EPB41L4A: variants seen among roughly 807,000 people sequenced by gnomAD.
The protein encoded by EPB41L4A is band 4.1-like protein 4A.
EPB41L4A carries 100 observed loss-of-function variants against 108.6 expected under a neutral mutation model. That is an observed-to-expected ratio of 0.92 (90% confidence interval 0.78 to 1.09). The LOEUF (loss-of-function observed/expected upper bound fraction) is 1.09. EPB41L4A is among the 50% of genes least tolerant of loss of function. EPB41L4A has a pLI of 0.00. For missense variants in EPB41L4A, 1,030 were observed against 842.7 expected (o/e 1.22, Z -2.75); for synonymous variants, 319 against 289.0 (o/e 1.10, Z -1.05).
At chr5:112,308,807 T>C (rs1441927355) in intron 1 of EPB41L4A, among the ~76,000 whole-genome samples, 2 of 152,012 alleles carry the variant, frequency 1.3e-5, no homozygotes, top group African/African-American at 4.8e-5. Context: ...AAAAGACCAT[T>C]ACAATTCATT....
chr5:112,381,197 C>T (rs1760156696), intron 1 of EPB41L4A, among the ~76,000 whole-genome samples: 1 of 152,180 alleles, frequency 6.6e-6, no homozygotes, highest in Non-Finnish European at 1.5e-5. Context: ...CAAGTCTGGT[C>T]AGGTTTTTAA....
rs139188632 is a variant in EPB41L4A at position 112,232,165 on chromosome 5, G to C, written c.1087+2469C>G. Among the ~76,000 whole-genome samples the C allele has an allele frequency of 2.9e-3, 436 of 151,650 alleles. 4 individuals carry two copies. Among genetic ancestry groups the C allele is most frequent in the African/African-American group, 9.9e-3 (410 of 41,356 alleles). On this transcript the variant is annotated intron_variant, in intron 12 of 22. Transcript: ENST00000261486. Reference sequence around the variant, plus strand: ...GAGAGAGAGAGATCCACCTGATGCTGGGAGGCTGTCCTCCAAAAAGGCTGG... The same window carrying C: ...GAGAGAGAGAGATCCACCTGATGCTCGGAGGCTGTCCTCCAAAAAGGCTGG...
At chr5:112,315,271 T>C (rs997160303) in intron 1 of EPB41L4A, among the ~76,000 whole-genome samples, 12 of 152,342 alleles carry the variant, frequency 7.9e-5, no homozygotes, top group Admixed American at 3.3e-4. Context: ...ACTTACACTC[T>C]TGCACTCTTA....
intron 2 of EPB41L4A, among the ~76,000 whole-genome samples, chr5:112,302,973 G>A (rs535456680): frequency 2.2e-4 from 34 of 152,220 alleles, no homozygotes; most frequent in Non-Finnish European, 4.7e-4. Context: ...TGCTTCTCAT[G>A]ATGCTCTTCA....
intron 17 of EPB41L4A, among the ~76,000 whole-genome samples, chr5:112,187,356 C>T (rs1359713252): frequency 6.6e-6 from 1 of 152,146 alleles, no homozygotes; most frequent in Non-Finnish European, 1.5e-5. Flanking sequence ...TATATCATAA[C>T]AAGGTTTTTG....
chr5:112,182,663 C>T (rs1761215623), intron 18 of EPB41L4A, among the ~76,000 whole-genome samples: 1 of 152,140 alleles, frequency 6.6e-6, no homozygotes, highest in Admixed American at 6.5e-5. Flanking sequence ...GAAAACTATT[C>T]CACATGGAAA....
Position 112,262,592 on chromosome 5 carries a change from C to T in EPB41L4A, c.555-11G>A. On this transcript the variant is annotated splice_polypyrimidine_tract_variant and intron_variant, in intron 6 of 22. Coordinates refer to ENST00000261486, the MANE Select transcript of EPB41L4A (RefSeq NM_022140.5). Reference sequence around the variant, plus strand: ...GAAGGAATCTGACCCCTACACCCAGCACAAAAACAAAGAGCCTTATTTTAC... The same window carrying T: ...GAAGGAATCTGACCCCTACACCCAGTACAAAAACAAAGAGCCTTATTTTAC... The T allele has an allele frequency of 6.2e-7, 1 of 1,611,378 alleles. No homozygotes were observed. The highest frequency in any genetic ancestry group is 8.5e-7 in the Non-Finnish European group (1 of 1,178,628).
At chr5:112,286,188 T>A (rs1410043490) in intron 2 of EPB41L4A, among the ~76,000 whole-genome samples, 1 of 151,992 alleles carries the variant, frequency 6.6e-6, no homozygotes, top group Non-Finnish European at 1.5e-5. Context: ...TCCCTCACTA[T>A]TCATTATAAT....
chr5:112,419,623 G>GT (rs1762971437), upstream of EPB41L4A: 2 of 455,718 alleles, frequency 4.4e-6, no homozygotes, highest in Non-Finnish European at 8.8e-6. Context: ...TTTCTTTTGT[G>GT]TGAGGAGCAC....
At chr5:112,221,639 G>A (rs554679989) in intron 12 of EPB41L4A, among the ~76,000 whole-genome samples, 4 of 152,150 alleles carry the variant, frequency 2.6e-5, no homozygotes, top group Non-Finnish European at 1.5e-5. Flanking sequence ...AGTTCCTACA[G>A]ATTAGGGGCC....
At chr5:112,363,804 A>G (rs1283356982) in intron 1 of EPB41L4A, 2 of 152,242 alleles carry the variant, frequency 1.3e-5, no homozygotes, top group African/African-American at 2.4e-5. Context: ...ATGCACATTC[A>G]GCGGTTTCTA....
chr5:112,145,999 C>T (rs17134155), intron 12 of EPB41L4A: 95,003 of 455,464 alleles, frequency 0.21, 12,379 homozygotes, highest in African/African-American at 0.48. Flanking sequence ...TCTGGACACC[C>T]TGTTAAAGAA....
chr5:112,280,522 G>A (rs1752903039), intron 2 of EPB41L4A, among the ~76,000 whole-genome samples, 199 bp from the exon 3 acceptor site: 1 of 152,146 alleles, frequency 6.6e-6, no homozygotes, highest in African/African-American at 2.4e-5. Context: ...AGGCACGGTG[G>A]CTCACACCTG....
intron 12 of EPB41L4A, chr5:112,210,201 G>A: frequency 2.8e-6 from 1 of 353,708 alleles, no homozygotes; most frequent in Non-Finnish European, 5.0e-6. Flanking sequence ...TGGGAGTCTA[G>A]GCTATTTTTT....
At chr5:112,361,221 C>G (rs1242416361) in intron 1 of EPB41L4A, among the ~76,000 whole-genome samples, 2 of 152,086 alleles carry the variant, frequency 1.3e-5, no homozygotes, top group Non-Finnish European at 2.9e-5. Flanking sequence ...GACCTTTCCC[C>G]CAACCCCGTG....
intron 2 of EPB41L4A, among the ~76,000 whole-genome samples, chr5:112,294,147 T>A (rs530736011): frequency 1.3e-5 from 2 of 152,252 alleles, no homozygotes; most frequent in Non-Finnish European, 2.9e-5. Context: ...TTGTTTCTTA[T>A]AATCCCAATA....
intron 1 of EPB41L4A, among the ~76,000 whole-genome samples, chr5:112,401,030 C>G (rs1761715742): frequency 6.6e-6 from 1 of 152,122 alleles, no homozygotes; most frequent in Non-Finnish European, 1.5e-5. Context: ...AATCAAAATA[C>G]TCATGAGTCC....
intron 12 of EPB41L4A, among the ~76,000 whole-genome samples, chr5:112,146,644 G>C (rs938039604): frequency 1.3e-5 from 2 of 152,124 alleles, no homozygotes; most frequent in African/African-American, 4.8e-5. Context: ...GTGTGACTAA[G>C]CACAGCAACC....
At chr5:112,419,911 C>T (rs1423617905), upstream of EPB41L4A, 1 of 456,638 alleles carries the variant, frequency 2.2e-6, no homozygotes, top group East Asian at 7.0e-5. Context: ...TCAGGACATT[C>T]AGCAAAGCGG....
Sources: gnomAD v4.1 joint callset for allele counts (sites outside exome capture counted in the v4.1 genomes callset) on GRCh38, gnomAD v4.1.1 for gene constraint, MANE v1.5 for transcripts, NCBI Gene and HGNC (gene_info 2026-07-23, HGNC 2026-07-21) for gene names.